CNTN5: variants seen among roughly 807,000 people sequenced by gnomAD.
CNTN5 encodes contactin-5.
A neutral mutation model predicts 129.1 loss-of-function variants in CNTN5; 77 were observed. The ratio of observed to expected loss-of-function variants is 0.60; its 90% confidence interval spans 0.50 to 0.72. The LOEUF (loss-of-function observed/expected upper bound fraction) is 0.72, where lower values mean the gene tolerates loss of function less well. Ranked by LOEUF, CNTN5 falls within the 30% of genes least tolerant of loss-of-function variation. The pLI is 0.00. For synonymous variants in CNTN5, 509 were observed against 465.6 expected (o/e 1.09, Z -1.20); for missense variants, 1,478 against 1,328.8 (o/e 1.11, Z -1.75).
chr11:99,893,880 AATT>A (rs2135920376), intron 6 of CNTN5, among the ~76,000 whole-genome samples: 1 of 152,256 alleles, frequency 6.6e-6, no homozygotes, highest in Admixed American at 6.5e-5. Context: ...GTTTTTAAAA[AATT>A]ATCTGGCTTT....
intron 21 of CNTN5, among the ~76,000 whole-genome samples, chr11:100,313,884 G>A (rs1429727785): frequency 1.3e-5 from 2 of 152,058 alleles, no homozygotes; most frequent in Non-Finnish European, 1.5e-5. Context: ...CAAAAAGAGG[G>A]AACTGGTCAA....
chr11:99,443,066 A>G (rs899029604), intron 2 of CNTN5, among the ~76,000 whole-genome samples: 1 of 152,262 alleles, frequency 6.6e-6, no homozygotes, highest in African/African-American at 2.4e-5. Flanking sequence ...AATAATTCAC[A>G]AAAGAATTAA....
chr11:99,069,167 G>A (rs764669654), intron 1 of CNTN5, among the ~76,000 whole-genome samples: 8 of 152,098 alleles, frequency 5.3e-5, no homozygotes, highest in Non-Finnish European at 1.0e-4. Flanking sequence ...TCTGGAAAAT[G>A]AGGTGTTTTT....
rs891725432 is a variant in CNTN5, at chr11:99,535,589, A to T, written c.-70-20556A>T. ...TAAGACCTAGGCATGAGAATGTCTTAAAAGCTCCTCAGGGGTTTCTAATGT... is the reference window on the plus strand; with the variant it reads ...TAAGACCTAGGCATGAGAATGTCTTTAAAGCTCCTCAGGGGTTTCTAATGT... On this transcript the variant is annotated intron_variant, in intron 2 of 24. Coordinates refer to ENST00000524871, the MANE Select transcript of CNTN5 (RefSeq NM_014361.4). 7.2e-5 allele frequency among the ~76,000 whole-genome samples: 11 copies of T among 152,296 alleles called. No individual in the cohort carries two copies. The South Asian group carries it at 2.3e-3, about 32-fold the overall frequency.
In CNTN5 at chr11:99,470,812, T is replaced by C. The variant is rs571800676; in HGVS notation, c.-70-85333T>C. Reference sequence around the variant, plus strand: ...AAAATATAGAAGGAAAATCACAAATTTATTTTTTTTTATCATTATAGCTAT... The same window carrying C: ...AAAATATAGAAGGAAAATCACAAATCTATTTTTTTTTATCATTATAGCTAT... On this transcript the variant is annotated intron_variant, in intron 2 of 24. Transcript: ENST00000524871. Among the ~76,000 whole-genome samples, 3 of 66,630 alleles carry C rather than the reference T, an allele frequency of 4.5e-5. No homozygotes were observed. The East Asian group carries it at 1.2e-3, about 28-fold the overall frequency. The allele number at this position is 66,630 out of a possible 152,430, so 43.7% of individuals were successfully genotyped here. A position where few individuals can be genotyped will look rare whatever the true frequency, so the allele number is the denominator to read the frequency against.
intron 2 of CNTN5, among the ~76,000 whole-genome samples, chr11:99,487,195 C>T (rs1945851965): frequency 6.6e-6 from 1 of 152,152 alleles, no homozygotes; most frequent in Non-Finnish European, 1.5e-5. Context: ...ATCACGTGTC[C>T]ACCACGTTTT....
chr11:99,527,020 T>C (rs1396004082), intron 2 of CNTN5, among the ~76,000 whole-genome samples: 1 of 152,248 alleles, frequency 6.6e-6, no homozygotes, highest in East Asian at 1.9e-4. Context: ...ATCACCTTTG[T>C]GCTCATTGTA....
chr11:100,353,499 T>A (rs1173354604), intron 24 of CNTN5, among the ~76,000 whole-genome samples: 1 of 151,642 alleles, frequency 6.6e-6, no homozygotes, highest in Admixed American at 6.6e-5. Context: ...TACTTAGCAT[T>A]CTGAAAGTGA....
chr11:99,851,720 A>T (rs558352844), intron 6 of CNTN5, among the ~76,000 whole-genome samples: 5 of 152,354 alleles, frequency 3.3e-5, no homozygotes, highest in African/African-American at 1.2e-4. Context: ...GATCCAGAAT[A>T]TTCCATTAGT....
At position 99,956,966 on chromosome 11, in the gene CNTN5, T is replaced by C. The variant is rs1299265974; in HGVS notation, c.834T>C (p.Ala278=). The C allele has an allele frequency of 1.2e-6, 2 of 1,613,900 alleles. No individual in the cohort carries two copies. The highest frequency in any genetic ancestry group is 2.2e-5 in the South Asian group (2 of 91,076). Residue 278 remains alanine, a synonymous_variant, in exon 8 of 25, where the codon GCT becomes GCC. Coordinates refer to ENST00000524871, the MANE Select transcript of CNTN5 (RefSeq NM_014361.4). Reference sequence around the variant, plus strand: ...TGGTGAAAAACACAGTGACGAATGCTAGAGTCCTTAGTCCTCCAACGCCAC... The same window carrying C: ...TGGTGAAAAACACAGTGACGAATGCCAGAGTCCTTAGTCCTCCAACGCCAC... ...ICLVKNTVTN[A]RVLSPPTPLT...
intron 2 of CNTN5, among the ~76,000 whole-genome samples, chr11:99,496,403 T>C (rs968055718): frequency 6.6e-6 from 1 of 152,186 alleles, no homozygotes; most frequent in South Asian, 2.1e-4. Context: ...AAATGTAAAA[T>C]GCTTTGACCT....
intron 1 of CNTN5, among the ~76,000 whole-genome samples, chr11:99,097,545 C>T (rs1940490): frequency 0.48 from 72,873 of 151,434 alleles, 17,796 homozygotes; most frequent in East Asian, 0.6. Context: ...TTGTAACATC[C>T]GTGCATTTAC....
At chr11:100,088,217 A>C (rs1944628923) in intron 13 of CNTN5, among the ~76,000 whole-genome samples, 1 of 151,744 alleles carries the variant, frequency 6.6e-6, no homozygotes, top group Admixed American at 6.6e-5. Context: ...ATATCAAGAA[A>C]AAATGGATAA....
chr11:99,371,616 C>T (rs1171668513), intron 2 of CNTN5, among the ~76,000 whole-genome samples: 1 of 151,720 alleles, frequency 6.6e-6, no homozygotes, highest in Admixed American at 6.6e-5. Flanking sequence ...CTTTGATATC[C>T]AATATTAAGG....
At chr11:99,224,777 C>T (rs1860589985) in intron 1 of CNTN5, among the ~76,000 whole-genome samples, 4 of 150,046 alleles carry the variant, frequency 2.7e-5, no homozygotes, top group Middle Eastern at 3.5e-3. Context: ...CCTGTCTCAG[C>T]CTCCTGCATT....
intron 8 of CNTN5, among the ~76,000 whole-genome samples, chr11:99,975,959 C>G (rs1937927097): frequency 6.6e-6 from 1 of 152,194 alleles, no homozygotes; most frequent in South Asian, 2.1e-4. Context: ...CACGTCCTTT[C>G]CACCTAGGAG....
At chr11:99,321,913 T>C (rs1042041734) in intron 1 of CNTN5, among the ~76,000 whole-genome samples, 9 of 152,142 alleles carry the variant, frequency 5.9e-5, no homozygotes, top group Admixed American at 2.6e-4. Context: ...AGTGTGCTTA[T>C]ACTACAATGT....
intron 2 of CNTN5, among the ~76,000 whole-genome samples, chr11:99,510,153 C>G (rs543839556): frequency 4.0e-5 from 6 of 151,836 alleles, no homozygotes; most frequent in Non-Finnish European, 2.9e-5. Context: ...ATAATATAGT[C>G]AAAAGACACA....
intron 1 of CNTN5, among the ~76,000 whole-genome samples, chr11:99,084,964 T>C (rs1307258778): frequency 1.3e-5 from 2 of 152,192 alleles, no homozygotes; most frequent in South Asian, 4.1e-4. Flanking sequence ...GGATTATAAT[T>C]GTGGCAAAGT....
Sources: gnomAD v4.1 joint callset for allele counts (sites outside exome capture counted in the v4.1 genomes callset) on GRCh38, gnomAD v4.1.1 for gene constraint, MANE v1.5 for transcripts, NCBI Gene and HGNC (gene_info 2026-07-23, HGNC 2026-07-21) for gene names.